The following KIF6 variants were observed in gnomAD, a reference collection of about 807,000 sequenced individuals.
KIF6 encodes the protein kinesin-like protein KIF6.
Under a neutral mutation model 112.7 loss-of-function variants are expected in KIF6, and 106 were observed. The observed-to-expected ratio is 0.94, with a 90% CI of 0.80 to 1.11. The LOEUF (loss-of-function observed/expected upper bound fraction) is 1.11, where lower values mean the gene tolerates loss of function less well. Among genes scored for constraint, KIF6 ranks in the 50% least tolerant of loss-of-function variants. The pLI is 0.00. For missense variants in KIF6, 929 were observed against 964.0 expected, an observed-to-expected ratio of 0.96 and a Z score of 0.48; for synonymous variants, 339 against 339.9, an observed-to-expected ratio of 1.00 and a Z score of 0.03.
intron 3 of KIF6, among the ~76,000 whole-genome samples, chr6:39,693,055 T>C (rs1316395062): frequency 6.6e-6 from 1 of 152,220 alleles, no homozygotes; most frequent in Non-Finnish European, 1.5e-5. Context: ...TGGTCACACA[T>C]GGAACTGGCG....
chr6:39,625,908 T>C (rs1282933023), intron 5 of KIF6, among the ~76,000 whole-genome samples: 1 of 152,128 alleles, frequency 6.6e-6, no homozygotes, highest in Non-Finnish European at 1.5e-5. Context: ...AGGAAATTCA[T>C]GTTTGACAGT....
At chr6:39,576,802 A>G (rs1005469987) in intron 10 of KIF6, among the ~76,000 whole-genome samples, 8 of 152,140 alleles carry the variant, frequency 5.3e-5, no homozygotes, top group Admixed American at 4.6e-4. Flanking sequence ...TTAGTTTCTC[A>G]GCAAAACTGT....
At chr6:39,375,900 A>T (rs1216992060) in intron 16 of KIF6, among the ~76,000 whole-genome samples, 3 of 152,224 alleles carry the variant, frequency 2.0e-5, no homozygotes, top group African/African-American at 7.2e-5. Context: ...ACCAGGGCTG[A>T]CATAGAGTCT....
At chr6:39,549,004 C>T (rs912817117) in intron 10 of KIF6, among the ~76,000 whole-genome samples, 4 of 152,160 alleles carry the variant, frequency 2.6e-5, no homozygotes, top group Non-Finnish European at 4.4e-5. Context: ...CACATGACTT[C>T]GCTGATGGTA....
chr6:39,504,061 A>AACTTCAGG (rs1776295398), intron 13 of KIF6, among the ~76,000 whole-genome samples: 1 of 152,034 alleles, frequency 6.6e-6, no homozygotes, highest in African/African-American at 2.4e-5. Flanking sequence ...AAAAAAAGAA[A>AACTTCAGG]ACTTCAGGCC....
chr6:39,474,055 T>C (rs1394033995), intron 13 of KIF6, among the ~76,000 whole-genome samples: 1 of 152,238 alleles, frequency 6.6e-6, no homozygotes, highest in African/African-American at 2.4e-5. Flanking sequence ...AGGCTTCCTG[T>C]TATTTCCATG....
chr6:39,435,832 A>G (rs1331115789), intron 13 of KIF6, among the ~76,000 whole-genome samples: 1 of 152,198 alleles, frequency 6.6e-6, no homozygotes, highest in Non-Finnish European at 1.5e-5. Context: ...ATATGCATCC[A>G]GGTGTCTTTT....
chr6:39,341,257 C>T (rs2113890314), intron 22 of KIF6, among the ~76,000 whole-genome samples: 1 of 152,272 alleles, frequency 6.6e-6, no homozygotes, highest in South Asian at 2.1e-4. Context: ...ATCACCCTGA[C>T]ATGCAAAATG....
chr6:39,708,716 A>T lies in KIF6; in HGVS notation c.251+5976T>A, dbSNP rs531119353. Among the ~76,000 whole-genome samples the T allele has an allele frequency of 3.3e-5, 5 of 152,318 alleles. No homozygotes were observed. The East Asian group carries it at 9.6e-4, about 29-fold the overall frequency. On this transcript the variant is annotated intron_variant, in intron 3 of 22. Transcript: ENST00000287152. ...AAACTGGAATTCTGCAAACTTGCAG[A>T]TGTGTGCTAAGACCTCACAAATGTC...
chr6:39,580,871 C>G (rs1297377017), intron 9 of KIF6, among the ~76,000 whole-genome samples: 2 of 152,126 alleles, frequency 1.3e-5, no homozygotes, highest in Non-Finnish European at 2.9e-5. Context: ...TACCATTATC[C>G]TAAATTTTGT....
chr6:39,466,585 A>G (rs1581918703), intron 13 of KIF6, among the ~76,000 whole-genome samples: 1 of 151,646 alleles, frequency 6.6e-6, no homozygotes, highest in East Asian at 1.9e-4. Flanking sequence ...CTCCTTCCCC[A>G]CCCCCCACCT....
At chr6:39,523,009 C>G (rs1030023343) in intron 13 of KIF6, among the ~76,000 whole-genome samples, 1 of 152,192 alleles carries the variant, frequency 6.6e-6, no homozygotes, top group African/African-American at 2.4e-5. Context: ...AGCGCTAAAG[C>G]TATACATTCG....
At chr6:39,715,273 T>C (rs559810166) in intron 2 of KIF6, among the ~76,000 whole-genome samples, 2 of 152,286 alleles carry the variant, frequency 1.3e-5, no homozygotes, top group East Asian at 3.9e-4. Context: ...GCATCAACCA[T>C]TTAATTCTCA....
At chr6:39,576,641 T>G (rs1240525944) in intron 10 of KIF6, among the ~76,000 whole-genome samples, 1 of 152,192 alleles carries the variant, frequency 6.6e-6, no homozygotes, top group African/African-American at 2.4e-5. Flanking sequence ...CTGCAGCGGC[T>G]GTCACACAGC....
At chr6:39,657,917 AAACCCTACAATCACTTTTACAG>A (rs140992835) in intron 3 of KIF6, among the ~76,000 whole-genome samples, 9,415 of 152,270 alleles carry the variant, frequency 0.062, 380 homozygotes, top group Middle Eastern at 0.11. Context: ...CAAGATGCCT[AAACCCTACAATCACTTTTACAG>A]AACATTCTTA....
In KIF6 at chr6:39,378,133, G is replaced by A. The variant is rs1766600915; in HGVS notation, c.1861+7489C>T. ...AGTAAGCTCTGTTTTCACAGAAGTTGGGTCAAGGGGTAAACGCAGAGAAGC... is the reference window on the plus strand; with the variant it reads ...AGTAAGCTCTGTTTTCACAGAAGTTAGGTCAAGGGGTAAACGCAGAGAAGC... On this transcript the variant is annotated intron_variant, in intron 16 of 22. Transcript: ENST00000287152. The surrounding 1 kb of genome is among the most constrained non-coding windows in gnomAD (Gnocchi z 5.0). 1.3e-5 allele frequency among the ~76,000 whole-genome samples: 2 copies of A among 152,002 alleles called. No homozygotes were observed. The highest frequency in any genetic ancestry group is 1.3e-4 in the Admixed American group (2 of 15,252).
chr6:39,674,503 A>G (rs1204326759), intron 3 of KIF6, among the ~76,000 whole-genome samples: 3 of 152,020 alleles, frequency 2.0e-5, no homozygotes, highest in Non-Finnish European at 2.9e-5. Context: ...ACAAAGGCCC[A>G]GAGTGCGCAC....
At chr6:39,558,024 C>T (rs141640368) in intron 10 of KIF6, among the ~76,000 whole-genome samples, 1 of 151,564 alleles carries the variant, frequency 6.6e-6, no homozygotes, top group East Asian at 1.9e-4. Context: ...TCTTACAACT[C>T]TCACAACTCT....
chr6:39,702,877 AC>A (rs1225788259), intron 3 of KIF6, among the ~76,000 whole-genome samples: 1 of 100,874 alleles, frequency 9.9e-6, no homozygotes, highest in Non-Finnish European at 2.1e-5. Flanking sequence ...AATTTTATAA[AC>A]AAAAGGAAGA....
Sources: gnomAD v4.1 joint callset for allele counts (sites outside exome capture counted in the v4.1 genomes callset) on GRCh38, gnomAD v4.1.1 for gene constraint, Gnocchi (gnomAD v3.1) non-coding constraint, MANE v1.5 for transcripts, NCBI Gene and HGNC (gene_info 2026-07-23, HGNC 2026-07-21) for gene names.